RNLS: variants seen among roughly 807,000 people sequenced by gnomAD.
RNLS encodes the protein renalase.
RNLS carries 39 observed loss-of-function variants against 39.8 expected under a neutral mutation model. The observed-to-expected ratio is 0.98, with a 90% CI of 0.76 to 1.28. The LOEUF (loss-of-function observed/expected upper bound fraction) is 1.28. Among genes scored for constraint, RNLS ranks in the 50% most tolerant of loss-of-function variants. RNLS has a pLI of 0.00. For missense variants in RNLS, 410 were observed against 413.3 expected (o/e 0.99, Z 0.07); for synonymous variants, 147 against 150.7 (o/e 0.98, Z 0.18).
At chr10:88,192,388 C>T in the RNLS span, among the ~76,000 whole-genome samples, 1 of 152,164 alleles carries the variant, frequency 6.6e-6, no homozygotes, top group Non-Finnish European at 1.5e-5. Flanking sequence ...TTGGTAGATA[C>T]ACTACTTAAA....
the RNLS span, among the ~76,000 whole-genome samples, chr10:88,193,308 T>C: frequency 6.6e-6 from 1 of 152,064 alleles, no homozygotes; most frequent in African/African-American, 2.4e-5. Context: ...GGGGATTAGA[T>C]TAGGAATCAG....
At chr10:88,576,213 A>G (rs1850198728) in intron 3 of RNLS, among the ~76,000 whole-genome samples, 1 of 152,202 alleles carries the variant, frequency 6.6e-6, no homozygotes, top group Non-Finnish European at 1.5e-5. Flanking sequence ...ATGTATAATT[A>G]GTTTAATGTC....
chr10:88,198,443 T>C, the RNLS span, among the ~76,000 whole-genome samples: 1 of 152,202 alleles, frequency 6.6e-6, no homozygotes, highest in Admixed American at 6.5e-5. Flanking sequence ...AGCAATAAAT[T>C]CTTTATTGTG....
the RNLS span, among the ~76,000 whole-genome samples, chr10:88,181,031 T>A: frequency 6.6e-6 from 1 of 152,218 alleles, no homozygotes; most frequent in East Asian, 1.9e-4. Flanking sequence ...CCCTGGAATC[T>A]GTGAATATGT....
chr10:88,279,784 C>T (rs909122961), downstream of RNLS, among the ~76,000 whole-genome samples: 2 of 152,174 alleles, frequency 1.3e-5, no homozygotes, highest in Admixed American at 1.3e-4. Flanking sequence ...ATCACTACTC[C>T]TGGTAATGAC....
At chr10:88,370,733 T>A (rs887742045) in intron 4 of RNLS, among the ~76,000 whole-genome samples, 1 of 152,202 alleles carries the variant, frequency 6.6e-6, no homozygotes, top group African/African-American at 2.4e-5. Flanking sequence ...TCAAAGTGGC[T>A]GTAGAAATAG....
At chr10:88,214,624 T>C in the RNLS span, among the ~76,000 whole-genome samples, 2 of 152,184 alleles carry the variant, frequency 1.3e-5, no homozygotes, top group Non-Finnish European at 2.9e-5. Flanking sequence ...TTTTGTGGCA[T>C]TGTTTTATTC....
At chr10:88,556,341 A>G (rs1444268364) in intron 4 of RNLS, among the ~76,000 whole-genome samples, 7 of 152,262 alleles carry the variant, frequency 4.6e-5, no homozygotes, top group African/African-American at 1.2e-4. Flanking sequence ...CTACTGCTCA[A>G]TGTACCACCA....
rs186847457 is a variant in RNLS, at chr10:88,447,006, T to C, written c.527-84281A>G. ...CTCAATAAATTAGGTATTGATGGGA[T>C]GTATCTCAAAACAATAAGAGCTATT... On this transcript the variant is annotated intron_variant, in intron 4 of 6. Transcript: ENST00000331772. 7.4e-4 allele frequency among the ~76,000 whole-genome samples: 112 copies of C among 152,302 alleles called. 1 individual carries two copies. Among genetic ancestry groups the C allele is most frequent in the South Asian group, 7.0e-3 (34 of 4,826 alleles).
At chr10:88,374,501 T>C (rs1172543198) in intron 4 of RNLS, among the ~76,000 whole-genome samples, 1 of 152,134 alleles carries the variant, frequency 6.6e-6, no homozygotes, top group African/African-American at 2.4e-5. Context: ...AAATTCCTCC[T>C]TTTGCTTTCC....
chr10:88,514,717 CATCCA>C (rs1335839753), intron 4 of RNLS, among the ~76,000 whole-genome samples: 1 of 152,084 alleles, frequency 6.6e-6, no homozygotes, highest in Non-Finnish European at 1.5e-5. Flanking sequence ...CCTTCAGGTT[CATCCA>C]TGTTGCAGCA....
intron 6 of RNLS, among the ~76,000 whole-genome samples, chr10:88,301,969 T>C (rs1305746410): frequency 6.6e-6 from 1 of 152,232 alleles, no homozygotes; most frequent in East Asian, 1.9e-4. Context: ...CAAAGCACTG[T>C]CACCTCATCT....
At chr10:88,511,152 T>C (rs1477680746) in intron 4 of RNLS, among the ~76,000 whole-genome samples, 1 of 152,068 alleles carries the variant, frequency 6.6e-6, no homozygotes, top group Admixed American at 6.6e-5. Flanking sequence ...TCCCTCACTA[T>C]CAGGCCAACC....
intron 4 of RNLS, among the ~76,000 whole-genome samples, chr10:88,565,273 C>A (rs1365788311): frequency 6.6e-6 from 1 of 152,070 alleles, no homozygotes; most frequent in Non-Finnish European, 1.5e-5. Context: ...ATATTTCACA[C>A]ACTAGATGGC....
At position 88,318,086 on chromosome 10, in the gene RNLS, C is replaced by T. The variant is rs116795205; in HGVS notation, c.701-3445G>A. On this transcript the variant is annotated intron_variant, in intron 5 of 6. Coordinates refer to ENST00000331772, the MANE Select transcript of RNLS (RefSeq NM_001031709.3). ...TCCCCTCAGACCTGAACTGACATGG[C>T]TGAACTGAGCCATGCTGGTTGTGCA... is the stretch of plus-strand genomic sequence containing the variant. 3.0e-3 allele frequency among the ~76,000 whole-genome samples: 460 copies of T among 152,352 alleles called. 1 individual carries two copies. The highest frequency in any genetic ancestry group is 0.01 in the African/African-American group (427 of 41,558).
chr10:88,310,801 C>CAAAA (rs577838661), intron 6 of RNLS, among the ~76,000 whole-genome samples: 4 of 19,568 alleles, frequency 2.0e-4, no homozygotes, highest in African/African-American at 6.0e-4. Flanking sequence ...CTACCTCTGC[C>CAAAA]AAAAAAAAAA....
chr10:88,228,761 G>A, the RNLS span, among the ~76,000 whole-genome samples: 16 of 152,198 alleles, frequency 1.1e-4, no homozygotes, highest in African/African-American at 2.4e-4. Context: ...GTTTCTTGGC[G>A]GAATTTGATC....
chr10:88,562,600 G>T (rs1163220599), intron 4 of RNLS, among the ~76,000 whole-genome samples: 1 of 152,104 alleles, frequency 6.6e-6, no homozygotes, highest in Non-Finnish European at 1.5e-5. Context: ...ATGACAATTT[G>T]TTGGGCATTC....
chr10:88,441,730 C>T (rs1023967055), intron 4 of RNLS, among the ~76,000 whole-genome samples: 3 of 152,112 alleles, frequency 2.0e-5, no homozygotes, highest in East Asian at 1.9e-4. Flanking sequence ...CTGTAAGCAT[C>T]GGAAATACAA....
Sources: allele counts gnomAD v4.1 joint callset (sites outside exome capture counted in the v4.1 genomes callset), GRCh38; gene constraint gnomAD v4.1.1; transcripts MANE v1.5; gene names NCBI Gene and HGNC (gene_info 2026-07-23, HGNC 2026-07-21).